The following ATF7 variants were observed in gnomAD, a reference collection of about 807,000 sequenced individuals.
ATF7 encodes the protein activating transcription factor 7.
In ATF7, 10 loss-of-function variants were observed where a neutral mutation model predicts 50.4. The ratio of observed to expected loss-of-function variants is 0.20; its 90% CI spans 0.12 to 0.34. The LOEUF is 0.34. Ranked by LOEUF, ATF7 falls within the 10% of genes least tolerant of loss-of-function variation. The pLI is 1.00. For missense variants in ATF7, 465 were observed against 613.9 expected (o/e 0.76, Z 2.56); for synonymous variants, 201 against 226.4 (o/e 0.89, Z 1.01).
At chr12:53,568,398 A>ACT (rs1565961400) in intron 2 of ATF7, among the ~76,000 whole-genome samples, 1 of 152,028 alleles carries the variant, frequency 6.6e-6, no homozygotes, top group African/African-American at 2.4e-5. Flanking sequence ...TTACGCACAC[A>ACT]CACTCTCTCT....
In ATF7 at chr12:53,516,161, T is replaced by G. The variant is rs1215301106; in HGVS notation, c.*976A>C. ...CAATATGCTTTGGCCGGTAAACTCTTATAAAACATAAAGGAATCGATTAAT... is the reference window on the plus strand; with the variant it reads ...CAATATGCTTTGGCCGGTAAACTCTGATAAAACATAAAGGAATCGATTAAT... On this transcript the variant is annotated 3_prime_UTR_variant, in exon 12 of 12. Transcript: ENST00000420353. 6.6e-6 allele frequency: 1 copy of G among 152,152 alleles called. No individual in the cohort carries two copies. Among genetic ancestry groups the G allele is most frequent in the Non-Finnish European group, 1.5e-5 (1 of 68,040 alleles). 9.4% of individuals were successfully genotyped at this position (152,152 alleles called of 1,614,324 possible). A position where few individuals can be genotyped will look rare whatever the true frequency, so the allele number is the denominator to read the frequency against.
intron 2 of ATF7, among the ~76,000 whole-genome samples, chr12:53,597,100 C>A (rs1426605357): frequency 6.6e-6 from 1 of 152,140 alleles, no homozygotes; most frequent in East Asian, 1.9e-4. Context: ...AAAAAAATCT[C>A]AACAGGAGAA....
intron 2 of ATF7, among the ~76,000 whole-genome samples, chr12:53,559,986 G>C (rs1256309106): frequency 6.6e-6 from 1 of 150,742 alleles, no homozygotes; most frequent in African/African-American, 2.4e-5. Flanking sequence ...GCAATGGTGT[G>C]ATCTCGGCTC....
chr12:53,532,424 T>C, intron 8 of ATF7, 86 bp downstream of exon 8: 1 of 1,135,586 alleles, frequency 8.8e-7, no homozygotes, highest in Non-Finnish European at 1.3e-6. Flanking sequence ...GAAGGTTCCT[T>C]TGCTTGGCTC....
intron 2 of ATF7, among the ~76,000 whole-genome samples, chr12:53,573,399 T>C (rs1428318357): frequency 6.6e-6 from 1 of 152,216 alleles, no homozygotes; most frequent in Non-Finnish European, 1.5e-5. Flanking sequence ...TCCTCCTATA[T>C]ACTTTAAATC....
chr12:53,565,471 ACT>A lies in ATF7; in HGVS notation c.49-12836_49-12835del, dbSNP rs1435174637. Among the ~76,000 whole-genome samples the A allele has an allele frequency of 2.4e-4, 26 of 110,098 alleles. No homozygotes were observed. The South Asian group carries it at 8.1e-3, about 34-fold the overall frequency. 72.2% of individuals were successfully genotyped at this position (110,098 alleles called of 152,430 possible). ...AATTCTTTGCTCTTTCTTCTCTCAC[ACT>A]CTCTTTTTCTGGGCGGGGGCGGGGG... On this transcript the variant is annotated intron_variant, in intron 2 of 11. Coordinates refer to ENST00000420353, the MANE Select transcript of ATF7 (RefSeq NM_006856.3).
chr12:53,517,742 G>T, intron 11 of ATF7: 1 of 200,364 alleles, frequency 5.0e-6, no homozygotes, highest in Non-Finnish European at 1.0e-5. Flanking sequence ...CAAAGTGCTG[G>T]GATTATAGGC....
At position 53,516,978 on chromosome 12, in the gene ATF7, A is replaced by G. The variant is rs1937743210; in HGVS notation, c.*159T>C. The G allele has an allele frequency of 2.5e-6, 2 of 805,404 alleles. No individual in the cohort carries two copies. The highest frequency in any genetic ancestry group is 4.0e-6 in the Non-Finnish European group (2 of 505,816). The allele number at this position is 805,404 out of a possible 1,614,324, so 49.9% of individuals were successfully genotyped here. A position where few individuals can be genotyped will look rare whatever the true frequency, so the allele number is the denominator to read the frequency against. ...GCACAGGTGTCAAACGTACATGACC[A>G]CATGGCTAAAAAGCCCCATATCTGT... is the stretch of plus-strand genomic sequence containing the variant. On this transcript the variant is annotated 3_prime_UTR_variant, in exon 12 of 12. Transcript: ENST00000420353.
intron 1 of ATF7, among the ~76,000 whole-genome samples, chr12:53,608,787 T>A (rs1377492144): frequency 6.6e-6 from 1 of 152,224 alleles, no homozygotes; most frequent in East Asian, 1.9e-4. Context: ...TAGCTGCCAT[T>A]AAGCAAAGAG....
intron 2 of ATF7, among the ~76,000 whole-genome samples, chr12:53,596,123 A>C (rs1943142104): frequency 6.6e-6 from 1 of 151,994 alleles, no homozygotes; most frequent in African/African-American, 2.4e-5. Context: ...ACATGGCGAA[A>C]CCTGTCTCTA....
chr12:53,607,855 T>C (rs979663978), intron 1 of ATF7, among the ~76,000 whole-genome samples: 6 of 152,194 alleles, frequency 3.9e-5, no homozygotes, highest in African/African-American at 1.4e-4. Flanking sequence ...AATCACAGAT[T>C]GCTTTTAGTA....
At chr12:53,577,950 A>G (rs1379540858) in intron 2 of ATF7, among the ~76,000 whole-genome samples, 2 of 152,154 alleles carry the variant, frequency 1.3e-5, no homozygotes, top group Non-Finnish European at 2.9e-5. Flanking sequence ...ACATCTTGAA[A>G]GAAGGCAGAG....
In ATF7 at chr12:53,515,027, A is replaced by G. The variant is rs1051949697; in HGVS notation, c.*2110T>C. ...TACGGCTGTGAATTTTTAAAGGCAA[A>G]AGTGAAGTCCCTGGATGTGGTAACC... On this transcript the variant is annotated 3_prime_UTR_variant, in exon 12 of 12. Transcript: ENST00000420353. The G allele has an allele frequency of 6.6e-6, 1 of 152,224 alleles. No homozygotes were observed. The highest frequency in any genetic ancestry group is 6.5e-5 in the Admixed American group (1 of 15,280). The allele number at this position is 152,224 out of a possible 1,614,324, so 9.4% of individuals were successfully genotyped here. A position where few individuals can be genotyped will look rare whatever the true frequency, so the allele number is the denominator to read the frequency against.
At position 53,516,094 on chromosome 12, in the gene ATF7, A is replaced by G. The variant is rs189741294; in HGVS notation, c.*1043T>C. 1 of 152,372 alleles carries G rather than the reference A, an allele frequency of 6.6e-6. No homozygotes were observed. Among genetic ancestry groups the G allele is most frequent in the African/African-American group, 2.4e-5 (1 of 41,578 alleles). The allele number at this position is 152,372 out of a possible 1,614,324, so 9.4% of individuals were successfully genotyped here. On this transcript the variant is annotated 3_prime_UTR_variant, in exon 12 of 12. Coordinates refer to ENST00000420353, the MANE Select transcript of ATF7 (RefSeq NM_006856.3). ...CAGGGGCGGTAATGTTGATAGGGGAATGAAGAGAGAGAAGCAGGAGCAGAA... is the reference window on the plus strand; with the variant it reads ...CAGGGGCGGTAATGTTGATAGGGGAGTGAAGAGAGAGAAGCAGGAGCAGAA...
intron 3 of ATF7, among the ~76,000 whole-genome samples, chr12:53,546,826 C>T (rs1469434222): frequency 1.3e-5 from 2 of 151,760 alleles, no homozygotes; most frequent in Admixed American, 6.6e-5. Context: ...GACACGATCT[C>T]GGCTCACTGC....
At chr12:53,604,358 GATTTTTAATAACTGAGATA>G in intron 1 of ATF7, among the ~76,000 whole-genome samples, 1 of 152,262 alleles carries the variant, frequency 6.6e-6, no homozygotes, top group Middle Eastern at 3.4e-3. Flanking sequence ...TTTAGAGAAT[GATTTTTAATAACTGAGATA>G]ATTTCATAAA....
chr12:53,615,225 T>C (rs1277753541), intron 1 of ATF7, among the ~76,000 whole-genome samples: 2 of 150,338 alleles, frequency 1.3e-5, no homozygotes, highest in African/African-American at 4.9e-5. Context: ...CTACTAAAAA[T>C]ACAAAAAAAT....
chr12:53,540,541 T>C (rs1436373554), intron 4 of ATF7, among the ~76,000 whole-genome samples: 6 of 151,484 alleles, frequency 4.0e-5, no homozygotes, highest in African/African-American at 1.5e-4. Context: ...CTGGGCAACA[T>C]GGCAAAACCC....
At chr12:53,578,367 CAA>C (rs56914905) in intron 2 of ATF7, among the ~76,000 whole-genome samples, 48,075 of 107,074 alleles carry the variant, frequency 0.45, 9,239 homozygotes, top group East Asian at 0.85. Flanking sequence ...GATCTTCTCT[CAA>C]AAAAAAAAAA....
Sources: allele counts gnomAD v4.1 joint callset (sites outside exome capture counted in the v4.1 genomes callset), GRCh38; gene constraint gnomAD v4.1.1; transcripts MANE v1.5; gene names NCBI Gene and HGNC (gene_info 2026-07-23, HGNC 2026-07-21).